CDC42SE1: variants seen among roughly 807,000 people sequenced by gnomAD.
CDC42SE1 encodes CDC42 small effector 1.
A neutral mutation model predicts 10.9 loss-of-function variants in CDC42SE1; 10 were observed. The ratio of observed to expected loss-of-function variants is 0.92; its 90% CI spans 0.57 to 1.56. CDC42SE1 has a LOEUF of 1.56. CDC42SE1 is among the 40% of genes most tolerant of loss of function. The pLI is 0.00. For synonymous variants in CDC42SE1, 24 were observed against 32.0 expected, an observed-to-expected ratio of 0.75 and a Z score of 0.85; for missense variants, 81 against 100.8, an observed-to-expected ratio of 0.80 and a Z score of 0.84.
At chr1:151,054,798 A>G (rs1202267567) in intron 3 of CDC42SE1, among the ~76,000 whole-genome samples, 1 of 152,142 alleles carries the variant, frequency 6.6e-6, no homozygotes, top group Non-Finnish European at 1.5e-5. Context: ...CCCCTACCCC[A>G]GTGAAGAACA....
rs181649535 is a variant in CDC42SE1, at chr1:151,058,533, G to C, written c.-264+946C>G. On this transcript the variant is annotated intron_variant, in intron 1 of 4. Transcript: ENST00000357235. ...ATCCAACCCCACAGTGAATAGGGAAGGGGCTGAGAAAACAACAGGAGGGAT... is the reference window on the plus strand; with the variant it reads ...ATCCAACCCCACAGTGAATAGGGAACGGGCTGAGAAAACAACAGGAGGGAT... The C allele has an allele frequency of 8.4e-3, 1,286 of 152,482 alleles. 5 individuals are homozygous for C. The highest frequency in any genetic ancestry group is 0.015 in the Non-Finnish European group (994 of 68,182). 9.4% of individuals were successfully genotyped at this position (152,482 alleles called of 1,614,324 possible). A position where few individuals can be genotyped will look rare whatever the true frequency, so the allele number is the denominator to read the frequency against.
rs981882864 is a variant in CDC42SE1 at position 151,051,218 on chromosome 1, C to T, written c.*2126G>A. 32 of 151,564 alleles carry T rather than the reference C, an allele frequency of 2.1e-4. No individual in the cohort carries two copies. Among genetic ancestry groups the T allele is most frequent in the African/African-American group, 7.8e-4 (32 of 41,210 alleles). 9.4% of individuals were successfully genotyped at this position (151,564 alleles called of 1,614,324 possible). On this transcript the variant is annotated 3_prime_UTR_variant, in exon 5 of 5. Coordinates refer to ENST00000357235, the MANE Select transcript of CDC42SE1 (RefSeq NM_020239.4). ...GATTTCTAGGAGTCTCTAACCTTTC[C>T]ACCCTATCCTGTTAACCCTTTAGAT...
In CDC42SE1 at chr1:151,055,123, T is replaced by G; in HGVS notation, c.58A>C (p.Lys20Gln). The G allele has an allele frequency of 6.2e-7, 1 of 1,611,884 alleles. No individual in the cohort carries two copies. Among genetic ancestry groups the G allele is most frequent in the Non-Finnish European group, 8.5e-7 (1 of 1,178,524 alleles). The change falls in exon 3 of 5, where the codon AAG (lysine) becomes CAG (glutamine). Residue 20 changes from lysine (K) to glutamine (Q), a missense_variant. Transcript: ENST00000357235. Reference sequence around the variant, plus strand: ...GTCCGGTCAATCCGTCTTCTCTTCTTCTTCTGCTTGGAGAAGATAAGGAGT... The same window carrying G: ...GTCCGGTCAATCCGTCTTCTCTTCTGCTTCTGCTTGGAGAAGATAAGGAGT... ...CCVVEKPQPKKKRRRIDRTMI... is the reference protein window; with the variant it reads ...CCVVEKPQPKQKRRRIDRTMI...
chr1:151,056,101 C>A, intron 1 of CDC42SE1, 108 bp from the exon 2 acceptor site: 1 of 275,874 alleles, frequency 3.6e-6, no homozygotes, highest in Non-Finnish European at 7.1e-6. Flanking sequence ...CCCTGAGAGG[C>A]CCTAGACCTG....
chr1:151,051,770 G>C lies in CDC42SE1; in HGVS notation c.*1574C>G, dbSNP rs1676187491. On this transcript the variant is annotated 3_prime_UTR_variant, in exon 5 of 5. Coordinates refer to ENST00000357235, the MANE Select transcript of CDC42SE1 (RefSeq NM_020239.4). The stretch of plus-strand genomic sequence containing the variant: ...ACTCCCTGAGTCTAATGTGTGTCTA[G>C]GACTAGGGCACAGAAATAGAGCTTA... 1 of 152,600 alleles carries C rather than the reference G, an allele frequency of 6.6e-6. No individual in the cohort carries two copies. The highest frequency in any genetic ancestry group is 2.1e-4 in the South Asian group (1 of 4,832). 9.5% of individuals were successfully genotyped at this position (152,600 alleles called of 1,614,324 possible). A position where few individuals can be genotyped will look rare whatever the true frequency, so the allele number is the denominator to read the frequency against.
chr1:151,052,191 C>T lies in CDC42SE1; in HGVS notation c.*1153G>A, dbSNP rs1353294725. On this transcript the variant is annotated 3_prime_UTR_variant, in exon 5 of 5. Coordinates refer to ENST00000357235, the MANE Select transcript of CDC42SE1 (RefSeq NM_020239.4). Reference sequence around the variant, plus strand: ...AATGTATAGAGACATTTTTGGTTGTCATAACTAGAGTGGGCCAGGGTTGCT... The same window carrying T: ...AATGTATAGAGACATTTTTGGTTGTTATAACTAGAGTGGGCCAGGGTTGCT... 1 of 152,138 alleles carries T rather than the reference C, an allele frequency of 6.6e-6. No homozygotes were observed. The highest frequency in any genetic ancestry group is 1.5e-5 in the Non-Finnish European group (1 of 68,014). 9.4% of individuals were successfully genotyped at this position (152,138 alleles called of 1,614,324 possible).
rs756197253 is a variant in CDC42SE1 at position 151,055,116 on chromosome 1, C to CTCT, written c.62_64dup (p.Lys21dup). ...AATCATGGTCCGGTCAATCCGTCTT[C>CTCT]TCTTCTTCTTCTGCTTGGAGAAGAT... On this transcript the variant is annotated inframe_insertion, in exon 3 of 5. Transcript: ENST00000357235. 1 of 1,612,696 alleles carries CTCT rather than the reference C, an allele frequency of 6.2e-7. No individual in the cohort carries two copies. The highest frequency in any genetic ancestry group is 1.7e-5 in the Admixed American group (1 of 59,888).
At position 151,053,327 on chromosome 1, in the gene CDC42SE1, C is replaced by A. The variant is rs1238082589; in HGVS notation, c.*17G>T. 2.0e-5 allele frequency: 3 copies of A among 152,332 alleles called. No individual in the cohort carries two copies. The highest frequency in any genetic ancestry group is 7.3e-5 in the African/African-American group (3 of 41,322). The allele number at this position is 152,332 out of a possible 1,614,324, so 9.4% of individuals were successfully genotyped here. A position where few individuals can be genotyped will look rare whatever the true frequency, so the allele number is the denominator to read the frequency against. ...GAATGGGGGTTTCAAGATGGCAGAA[C>A]CTGAAATAAAAAAAAAGTTTTTCTT... is the stretch of plus-strand genomic sequence containing the variant. On this transcript the variant is annotated splice_region_variant and 3_prime_UTR_variant, in exon 5 of 5. Transcript: ENST00000357235.
chr1:151,053,618 A>T (rs1253083457), intron 4 of CDC42SE1, among the ~76,000 whole-genome samples: 1 of 152,054 alleles, frequency 6.6e-6, no homozygotes, highest in East Asian at 1.9e-4. Flanking sequence ...AGTAACTGGG[A>T]TTACAGGCGT....
chr1:151,054,987 G>A, intron 3 of CDC42SE1, 29 bp downstream of exon 3: 1 of 1,500,484 alleles, frequency 6.7e-7, no homozygotes, highest in Non-Finnish European at 9.3e-7. Context: ...CCTCACCCCT[G>A]TATCAACCTC....
At chr1:151,059,190 C>G (rs1324556408) in intron 1 of CDC42SE1, 1 of 152,438 alleles carries the variant, frequency 6.6e-6, no homozygotes, top group Non-Finnish European at 1.5e-5. Flanking sequence ...CTCTGCTGTT[C>G]TCAACCCTTA....
intron 3 of CDC42SE1, among the ~76,000 whole-genome samples, chr1:151,054,675 CA>C (rs1676246830): frequency 6.6e-6 from 1 of 152,068 alleles, no homozygotes. Context: ...TTTCCTGTCC[CA>C]ACACTCCTAA....
rs1013902464 is a variant in CDC42SE1 at position 151,055,880 on chromosome 1, G to A, written c.-150C>T. On this transcript the variant is annotated 5_prime_UTR_variant, in exon 2 of 5. Coordinates refer to ENST00000357235, the MANE Select transcript of CDC42SE1 (RefSeq NM_020239.4). ...TGGGTCCAGACAAAGTGGAATCCCT[G>A]GAACCTTTAACTGAGCAGTGAAGGT... 1.5e-6 allele frequency: 1 copy of A among 687,246 alleles called. No individual in the cohort carries two copies. The allele number at this position is 687,246 out of a possible 1,614,324, so 42.6% of individuals were successfully genotyped here.
Position 151,055,870 on chromosome 1 carries a change from T to C in CDC42SE1, c.-140A>G. The C allele has an allele frequency of 1.4e-6, 1 of 702,006 alleles. No homozygotes were observed. Among genetic ancestry groups the C allele is most frequent in the South Asian group, 1.6e-5 (1 of 61,550 alleles). The allele number at this position is 702,006 out of a possible 1,614,324, so 43.5% of individuals were successfully genotyped here. A position where few individuals can be genotyped will look rare whatever the true frequency, so the allele number is the denominator to read the frequency against. Reference sequence around the variant, plus strand: ...CTCAGCTGGATGGGTCCAGACAAAGTGGAATCCCTGGAACCTTTAACTGAG... The same window carrying C: ...CTCAGCTGGATGGGTCCAGACAAAGCGGAATCCCTGGAACCTTTAACTGAG... On this transcript the variant is annotated 5_prime_UTR_variant, in exon 2 of 5. Coordinates refer to ENST00000357235, the MANE Select transcript of CDC42SE1 (RefSeq NM_020239.4).
chr1:151,051,711 G>T lies in CDC42SE1; in HGVS notation c.*1633C>A, dbSNP rs1218723029. ...TTTCCCATTTAAAGCAGACTCTTCA[G>T]CCAGGGGGCAGTGGGACCTGGTCTT... On this transcript the variant is annotated 3_prime_UTR_variant, in exon 5 of 5. Transcript: ENST00000357235. 6.6e-6 allele frequency: 1 copy of T among 152,620 alleles called. No homozygotes were observed. Among genetic ancestry groups the T allele is most frequent in the Non-Finnish European group, 1.5e-5 (1 of 68,054 alleles). 9.5% of individuals were successfully genotyped at this position (152,620 alleles called of 1,614,324 possible). A position where few individuals can be genotyped will look rare whatever the true frequency, so the allele number is the denominator to read the frequency against.
In CDC42SE1 at chr1:151,055,120, T is replaced by C; in HGVS notation, c.61A>G (p.Lys21Glu). 1 of 1,612,430 alleles carries C rather than the reference T, an allele frequency of 6.2e-7. No homozygotes were observed. Among genetic ancestry groups the C allele is most frequent in the Non-Finnish European group, 8.5e-7 (1 of 1,179,050 alleles). The change falls in exon 3 of 5, where the codon AAG (lysine) becomes GAG (glutamate). Residue 21 changes from lysine (K) to glutamate (E), a missense_variant. Physicochemically the swap from Lys to Glu is moderately conservative, Grantham distance 56. Transcript: ENST00000357235. Reference sequence around the variant, plus strand: ...ATGGTCCGGTCAATCCGTCTTCTCTTCTTCTTCTGCTTGGAGAAGATAAGG... The same window carrying C: ...ATGGTCCGGTCAATCCGTCTTCTCTCCTTCTTCTGCTTGGAGAAGATAAGG... ...CVVEKPQPKK[K>E]RRRIDRTMIG...
chr1:151,055,735 C>A lies in CDC42SE1; in HGVS notation c.-5G>T. 6.2e-7 allele frequency: 1 copy of A among 1,612,428 alleles called. No homozygotes were observed. Among genetic ancestry groups the A allele is most frequent in the East Asian group, 2.2e-5 (1 of 44,840 alleles). On this transcript the variant is annotated 5_prime_UTR_variant, in exon 2 of 5. Coordinates refer to ENST00000357235, the MANE Select transcript of CDC42SE1 (RefSeq NM_020239.4). ...TTTGTGCCAAAATTCACTCATGTTCCCTGATGGTTCCAGCTTCACTCCGCT... is the reference window on the plus strand; with the variant it reads ...TTTGTGCCAAAATTCACTCATGTTCACTGATGGTTCCAGCTTCACTCCGCT...
rs1382424621 is a variant in CDC42SE1, at chr1:151,055,688, T to C, written c.43A>G (p.Lys15Glu). 1 of 1,613,220 alleles carries C rather than the reference T, an allele frequency of 6.2e-7. No individual in the cohort carries two copies. Among genetic ancestry groups the C allele is most frequent in the Non-Finnish European group, 8.5e-7 (1 of 1,179,516 alleles). The change falls in exon 2 of 5, where the codon AAA (lysine) becomes GAA (glutamate). Residue 15 changes from lysine (K) to glutamate (E), a missense_variant. Lys to Glu is a moderately conservative substitution (Grantham distance 56). Transcript: ENST00000357235. ...GTGGGGAGACTCACCGGCTGGGGTT[T>C]CTCTACCACACAGCAGCCCAGTTTG... ...WHKLGCCVVE[K>E]PQPKKKRRRI...
rs892081866 is a variant in CDC42SE1, at chr1:151,057,364, A to T, written c.-263-1371T>A. ...TGGTGAAACCCCATCTCTGCTAAAA[A>T]TACAAAAGATTAGCTGGGCGTGGTG... is the stretch of plus-strand genomic sequence containing the variant. On this transcript the variant is annotated intron_variant, in intron 1 of 4. Coordinates refer to ENST00000357235, the MANE Select transcript of CDC42SE1 (RefSeq NM_020239.4). The surrounding 1 kb of genome is among the most constrained non-coding windows in gnomAD (Gnocchi z 4.0). 9.2e-5 allele frequency among the ~76,000 whole-genome samples: 14 copies of T among 152,352 alleles called. No individual in the cohort carries two copies. The highest frequency in any genetic ancestry group is 3.1e-4 in the African/African-American group (13 of 41,586).
Sources: gnomAD v4.1 joint callset for allele counts (sites outside exome capture counted in the v4.1 genomes callset) on GRCh38, gnomAD v4.1.1 for gene constraint, Gnocchi (gnomAD v3.1) non-coding constraint, MANE v1.5 for transcripts, NCBI Gene and HGNC (gene_info 2026-07-23, HGNC 2026-07-21) for gene names.